The following L3MBTL4 variants were observed in gnomAD, a reference collection of about 807,000 sequenced individuals.
The protein encoded by L3MBTL4 is lethal(3)malignant brain tumor-like protein 4.
In L3MBTL4, 70 loss-of-function variants were observed where a neutral mutation model predicts 84.5. The ratio of observed to expected loss-of-function variants is 0.83; its 90% CI spans 0.68 to 1.01. The LOEUF is 1.01. Among genes scored for constraint, L3MBTL4 ranks in the 50% least tolerant of loss-of-function variants. The pLI, the probability that L3MBTL4 is intolerant of heterozygous loss-of-function variation, is 0.00. For missense variants in L3MBTL4, 715 were observed against 754.8 expected (o/e 0.95, Z 0.62); for synonymous variants, 274 against 259.8 (o/e 1.05, Z -0.52).
chr18:6,207,271 T>G (rs1250830415), intron 12 of L3MBTL4, among the ~76,000 whole-genome samples: 1 of 152,144 alleles, frequency 6.6e-6, no homozygotes, highest in Non-Finnish European at 1.5e-5. Flanking sequence ...TCTGGCTCCT[T>G]ACAAAAAAGG....
At chr18:6,077,960 A>C (rs2057918135) in intron 16 of L3MBTL4, among the ~76,000 whole-genome samples, 1 of 152,048 alleles carries the variant, frequency 6.6e-6, no homozygotes, top group Non-Finnish European at 1.5e-5. Flanking sequence ...ACCCTGAAGC[A>C]GAGGTTACAG....
chr18:6,392,637 A>G lies in L3MBTL4; in HGVS notation c.-91+22164T>C, dbSNP rs181862171. ...TCCCTAATTCTCACCCTATACAAAA[A>G]TCAACTCAAGATGTATCAAAGACTT... On this transcript the variant is annotated intron_variant, in intron 1 of 18. Transcript: ENST00000317931. Among the ~76,000 whole-genome samples, 63 of 152,332 alleles carry G rather than the reference A, an allele frequency of 4.1e-4. No homozygotes were observed. The East Asian group carries it at 6.9e-3, about 17-fold the overall frequency.
chr18:6,007,138 C>T (rs1313721154), intron 16 of L3MBTL4, among the ~76,000 whole-genome samples: 1 of 151,660 alleles, frequency 6.6e-6, no homozygotes, highest in East Asian at 1.9e-4. Flanking sequence ...ATAACGCTCA[C>T]AAAAAAGTAA....
At chr18:6,165,129 G>GA (rs1401492544) in intron 13 of L3MBTL4, among the ~76,000 whole-genome samples, 3 of 152,202 alleles carry the variant, frequency 2.0e-5, no homozygotes, top group Admixed American at 6.5e-5. Context: ...GAAGTTTAGA[G>GA]AAAAAAGAAT....
At chr18:6,240,427 T>C (rs929088839) in intron 8 of L3MBTL4, among the ~76,000 whole-genome samples, 1 of 150,328 alleles carries the variant, frequency 6.7e-6, no homozygotes, top group African/African-American at 2.4e-5. Flanking sequence ...ATTTAACATA[T>C]AATTTAAATT....
intron 1 of L3MBTL4, among the ~76,000 whole-genome samples, chr18:6,367,002 A>G (rs139727376): frequency 2.0e-5 from 3 of 152,338 alleles, no homozygotes; most frequent in African/African-American, 7.2e-5. Flanking sequence ...GCAGGGCACA[A>G]AACACAAGTC....
At chr18:6,023,131 C>T (rs530179722) in intron 16 of L3MBTL4, among the ~76,000 whole-genome samples, 4 of 152,316 alleles carry the variant, frequency 2.6e-5, no homozygotes, top group Admixed American at 2.0e-4. Flanking sequence ...GGCGCTGTTT[C>T]CTGCTCCTTT....
chr18:5,997,966 G>A (rs532520175), intron 16 of L3MBTL4, among the ~76,000 whole-genome samples: 1 of 152,306 alleles, frequency 6.6e-6, no homozygotes, highest in Admixed American at 6.5e-5. Context: ...GGATATAAGA[G>A]CCACAGAGAT....
chr18:6,380,551 T>C (rs2054556323), intron 1 of L3MBTL4, among the ~76,000 whole-genome samples: 1 of 152,212 alleles, frequency 6.6e-6, no homozygotes, highest in Admixed American at 6.5e-5. Flanking sequence ...AACATCTTTA[T>C]TTCTGCCTTC....
intron 16 of L3MBTL4, among the ~76,000 whole-genome samples, chr18:6,007,364 T>TA (rs1420119705): frequency 3.3e-5 from 5 of 151,006 alleles, no homozygotes; most frequent in Non-Finnish European, 7.4e-5. Context: ...TACTTGTAAT[T>TA]AAAAAAAAAC....
At chr18:6,042,188 C>T (rs568494852) in intron 16 of L3MBTL4, among the ~76,000 whole-genome samples, 8 of 152,248 alleles carry the variant, frequency 5.3e-5, no homozygotes, top group African/African-American at 1.7e-4. Flanking sequence ...TTACAGAAGC[C>T]GTTCCTCCTC....
Position 6,213,771 on chromosome 18 carries a change from A to C in L3MBTL4, c.871-512T>G, listed in dbSNP as rs568588327. Among the ~76,000 whole-genome samples, 50 of 152,334 alleles carry C rather than the reference A, an allele frequency of 3.3e-4. No individual in the cohort carries two copies. The South Asian group carries it at 0.01, about 32-fold the overall frequency. On this transcript the variant is annotated intron_variant, in intron 11 of 18. Coordinates refer to ENST00000317931, the MANE Select transcript of L3MBTL4 (RefSeq NM_001330559.2). ...CATATTATTTCATCCGATTCACAAAAACCTGTGAGAGAAAAAATAATTTTT... is the reference window on the plus strand; with the variant it reads ...CATATTATTTCATCCGATTCACAAACACCTGTGAGAGAAAAAATAATTTTT...
At chr18:6,341,477 C>A (rs920028543) in intron 1 of L3MBTL4, among the ~76,000 whole-genome samples, 1 of 151,918 alleles carries the variant, frequency 6.6e-6, no homozygotes, top group East Asian at 1.9e-4. Context: ...ATGAAGAATA[C>A]AACACCTGAA....
chr18:6,060,165 A>C (rs960429549), intron 16 of L3MBTL4, among the ~76,000 whole-genome samples: 12 of 152,152 alleles, frequency 7.9e-5, no homozygotes, highest in Non-Finnish European at 5.9e-5. Context: ...ACATACTCTC[A>C]TTATGCCATC....
chr18:6,141,666 A>G (rs1003193325), intron 13 of L3MBTL4, among the ~76,000 whole-genome samples: 1 of 152,120 alleles, frequency 6.6e-6, no homozygotes, highest in Middle Eastern at 3.4e-3. Context: ...AATTTTTCAA[A>G]TATTTCTTTT....
rs559571818 is a variant in L3MBTL4 at position 6,051,170 on chromosome 18, C to T, written c.1444+29711G>A. On this transcript the variant is annotated intron_variant, in intron 16 of 18. Coordinates refer to ENST00000317931, the MANE Select transcript of L3MBTL4 (RefSeq NM_001330559.2). ...GGTTGCCAGTCCAGAAGGATCCTGA[C>T]TAAAATTCTGCCGACTCTGGGGCAA... Among the ~76,000 whole-genome samples the T allele has an allele frequency of 1.0e-3, 157 of 152,318 alleles. 1 individual carries two copies. Among genetic ancestry groups the T allele is most frequent in the African/African-American group, 3.7e-3 (155 of 41,580 alleles).
intron 1 of L3MBTL4, among the ~76,000 whole-genome samples, chr18:6,361,439 C>T (rs552463772): frequency 6.6e-6 from 1 of 152,284 alleles, no homozygotes; most frequent in African/African-American, 2.4e-5. Flanking sequence ...ATAGCCCCAG[C>T]AACAGCCCAC....
At chr18:6,310,118 A>T (rs1031977630) in intron 3 of L3MBTL4, among the ~76,000 whole-genome samples, 17 of 152,226 alleles carry the variant, frequency 1.1e-4, no homozygotes, top group African/African-American at 3.6e-4. Flanking sequence ...CATGTGGAGA[A>T]GTACCCAGAA....
At chr18:6,358,853 C>T (rs998112214) in intron 1 of L3MBTL4, among the ~76,000 whole-genome samples, 11 of 152,238 alleles carry the variant, frequency 7.2e-5, no homozygotes, top group Admixed American at 3.3e-4. Context: ...GAGGGCTCCA[C>T]AGGAGAGCCC....
Sources: allele counts gnomAD v4.1 joint callset (sites outside exome capture counted in the v4.1 genomes callset), GRCh38; gene constraint gnomAD v4.1.1; transcripts MANE v1.5; gene names NCBI Gene and HGNC (gene_info 2026-07-23, HGNC 2026-07-21).